SORCS3: variants seen among roughly 807,000 people sequenced by gnomAD.
The protein encoded by SORCS3 is sortilin related VPS10 domain containing receptor 3.
In SORCS3, 57 loss-of-function variants were observed where a neutral mutation model predicts 146.3. The observed-to-expected ratio is 0.39, with a 90% confidence interval of 0.31 to 0.49. The LOEUF (loss-of-function observed/expected upper bound fraction) is 0.49, where lower values mean the gene tolerates loss of function less well. Ranked by LOEUF, SORCS3 falls within the 20% of genes least tolerant of loss-of-function variation. The probability of loss-of-function intolerance (pLI) is 0.92; values close to 1 mark genes in which losing one functional copy is unlikely to be tolerated. For synonymous variants in SORCS3, 653 were observed against 618.5 expected (o/e 1.06, Z -0.83); for missense variants, 1,341 against 1,575.5 (o/e 0.85, Z 2.52).
At chr10:105,048,327 A>G (rs1181281257) in intron 5 of SORCS3, among the ~76,000 whole-genome samples, 1 of 148,844 alleles carries the variant, frequency 6.7e-6, no homozygotes, top group East Asian at 2.0e-4. Context: ...AATGTGGCAC[A>G]TATACACCAT....
chr10:104,839,112 C>T (rs149196714), intron 1 of SORCS3, among the ~76,000 whole-genome samples: 41 of 152,248 alleles, frequency 2.7e-4, no homozygotes, highest in Middle Eastern at 3.4e-3. Flanking sequence ...TACTCAAAAG[C>T]GATTATTGTA....
intron 12 of SORCS3, among the ~76,000 whole-genome samples, chr10:105,165,093 C>T (rs1049715940): frequency 6.6e-6 from 1 of 152,038 alleles, no homozygotes; most frequent in African/African-American, 2.4e-5. Flanking sequence ...TAAATACTCT[C>T]TTATGGCTAC....
intron 21 of SORCS3, among the ~76,000 whole-genome samples, chr10:105,246,517 A>G (rs1315017170): frequency 1.3e-5 from 2 of 152,196 alleles, no homozygotes; most frequent in African/African-American, 4.8e-5. Context: ...CTAGAAAGTT[A>G]AGTGAAGGCT....
intron 2 of SORCS3, among the ~76,000 whole-genome samples, chr10:104,847,653 A>G (rs1163520496): frequency 6.6e-6 from 1 of 152,184 alleles, no homozygotes; most frequent in Non-Finnish European, 1.5e-5. Flanking sequence ...ACAGAGCTAA[A>G]TGAATTTGCA....
At chr10:104,761,371 T>C (rs554614847) in intron 1 of SORCS3, among the ~76,000 whole-genome samples, 1 of 151,996 alleles carries the variant, frequency 6.6e-6, no homozygotes, top group Non-Finnish European at 1.5e-5. Flanking sequence ...GAAGTGTATC[T>C]GGAGAGAGAA....
chr10:104,791,422 C>T (rs2017494345), intron 1 of SORCS3, among the ~76,000 whole-genome samples: 1 of 152,174 alleles, frequency 6.6e-6, no homozygotes, highest in Admixed American at 6.5e-5. Context: ...CTGTCGGGTT[C>T]AGCCTTTATG....
intron 1 of SORCS3, among the ~76,000 whole-genome samples, chr10:104,738,875 C>T (rs1200745629): frequency 6.6e-6 from 1 of 152,126 alleles, no homozygotes; most frequent in African/African-American, 2.4e-5. Context: ...CTGCCAATAC[C>T]CACAGGTGAG....
intron 25 of SORCS3, among the ~76,000 whole-genome samples, chr10:105,259,870 T>C (rs2056950926): frequency 6.6e-6 from 1 of 152,190 alleles, no homozygotes; most frequent in African/African-American, 2.4e-5. Flanking sequence ...AGAGGGAGAC[T>C]TGAGCCTATC....
intron 13 of SORCS3, among the ~76,000 whole-genome samples, chr10:105,169,428 T>A (rs2056342022): frequency 1.3e-5 from 2 of 152,054 alleles, no homozygotes; most frequent in Non-Finnish European, 2.9e-5. Flanking sequence ...CCTGGCATCC[T>A]TCTCTCAAAG....
At chr10:104,917,190 T>C (rs1347590139) in intron 3 of SORCS3, among the ~76,000 whole-genome samples, 1 of 152,210 alleles carries the variant, frequency 6.6e-6, no homozygotes, top group Non-Finnish European at 1.5e-5. Context: ...GGCTGGCTGT[T>C]TAGGCACCTG....
chr10:104,692,902 T>A (rs930454120), intron 1 of SORCS3, among the ~76,000 whole-genome samples: 32 of 152,356 alleles, frequency 2.1e-4, no homozygotes, highest in African/African-American at 7.5e-4. Flanking sequence ...TCTGTTTAAA[T>A]CTGCAGCTGC....
chr10:104,761,344 G>T (rs112086132), intron 1 of SORCS3, among the ~76,000 whole-genome samples: 1 of 151,878 alleles, frequency 6.6e-6, no homozygotes, highest in Non-Finnish European at 1.5e-5. Context: ...GCCTCTTCTC[G>T]CTCCAGATAC....
chr10:105,165,402 T>A (rs1283216219), intron 12 of SORCS3, among the ~76,000 whole-genome samples: 1 of 152,128 alleles, frequency 6.6e-6, no homozygotes, highest in African/African-American at 2.4e-5. Context: ...AGAAAGACAA[T>A]GAATATCTTG....
chr10:104,648,136 A>G (rs1302079121), intron 1 of SORCS3, among the ~76,000 whole-genome samples: 1 of 152,222 alleles, frequency 6.6e-6, no homozygotes, highest in Admixed American at 6.5e-5. Context: ...TGATCGTTTC[A>G]GGCTATGAGC....
rs957153852 is a variant in SORCS3 at position 104,678,638 on chromosome 10, G to A, written c.627+36684G>A. 5.3e-5 allele frequency among the ~76,000 whole-genome samples: 8 copies of A among 152,144 alleles called. No homozygotes were observed. The South Asian group carries it at 1.0e-3, about 20-fold the overall frequency. On this transcript the variant is annotated intron_variant, in intron 1 of 26. Coordinates refer to ENST00000369701, the MANE Select transcript of SORCS3 (RefSeq NM_014978.3). Reference sequence around the variant, plus strand: ...CTGCCCCTACTGTTAGCCTCCTGAGGGCAGGGACCACATCTGTCCCAGTAT... The same window carrying A: ...CTGCCCCTACTGTTAGCCTCCTGAGAGCAGGGACCACATCTGTCCCAGTAT...
chr10:105,248,627 T>A (rs1183187274), intron 22 of SORCS3, among the ~76,000 whole-genome samples: 2 of 145,580 alleles, frequency 1.4e-5, no homozygotes, highest in Non-Finnish European at 3.0e-5. Flanking sequence ...GGCAGGAGAG[T>A]CACCTGAACC....
chr10:104,757,793 C>T (rs538265520), intron 1 of SORCS3, among the ~76,000 whole-genome samples: 1 of 152,038 alleles, frequency 6.6e-6, no homozygotes, highest in South Asian at 2.1e-4. Flanking sequence ...TTCATTTTCT[C>T]TGGGAGAAGT....
intron 2 of SORCS3, among the ~76,000 whole-genome samples, chr10:104,874,122 G>T (rs1266066506): frequency 1.3e-5 from 2 of 152,180 alleles, no homozygotes; most frequent in African/African-American, 4.8e-5. Context: ...ATTAATAAGG[G>T]TGAAAATGCA....
At chr10:104,826,535 A>G (rs1366350276) in intron 1 of SORCS3, among the ~76,000 whole-genome samples, 1 of 152,242 alleles carries the variant, frequency 6.6e-6, no homozygotes, top group African/African-American at 2.4e-5. Context: ...AAGTAGCATC[A>G]TGTCTAAAAA....
Sources: gnomAD v4.1 joint callset for allele counts (sites outside exome capture counted in the v4.1 genomes callset) on GRCh38, gnomAD v4.1.1 for gene constraint, MANE v1.5 for transcripts, NCBI Gene and HGNC (gene_info 2026-07-23, HGNC 2026-07-21) for gene names.